Variants in LAMC2 observed in about 807,000 individuals in gnomAD.
LAMC2 encodes the protein laminin subunit gamma 2, also known as laminin subunit gamma-2.
LAMC2 carries 97 observed loss-of-function variants against 140.2 expected under a neutral mutation model. The observed-to-expected ratio is 0.69, with a 90% CI of 0.59 to 0.82. The LOEUF (loss-of-function observed/expected upper bound fraction) is 0.82. Among genes scored for constraint, LAMC2 ranks in the 40% least tolerant of loss-of-function variants. LAMC2 has a pLI of 0.00. For synonymous variants in LAMC2, 513 were observed against 540.2 expected, an observed-to-expected ratio of 0.95 and a Z score of 0.70; for missense variants, 1,402 against 1,476.1, an observed-to-expected ratio of 0.95 and a Z score of 0.82.
At chr1:183,255,005 G>A in the LAMC2 span, among the ~76,000 whole-genome samples, 3 of 152,118 alleles carry the variant, frequency 2.0e-5, no homozygotes, top group African/African-American at 7.2e-5. Context: ...CAATGTCAAG[G>A]AGATTTTCCT....
intron 22 of LAMC2, among the ~76,000 whole-genome samples, chr1:183,242,139 C>T (rs1188727095): frequency 2.0e-5 from 3 of 152,134 alleles, no homozygotes; most frequent in Admixed American, 6.5e-5. Flanking sequence ...CTCCAATGCT[C>T]GTGTTCTTTT....
intron 14 of LAMC2, 97 bp from the exon 15 acceptor site, chr1:183,234,270 C>T: frequency 2.4e-6 from 2 of 841,000 alleles, no homozygotes; most frequent in Non-Finnish European, 4.1e-6. Context: ...TGGCTAATGA[C>T]AAGTGGTTCT....
chr1:183,205,478 G>A (rs1425090706), intron 1 of LAMC2, among the ~76,000 whole-genome samples: 1 of 152,188 alleles, frequency 6.6e-6, no homozygotes, highest in Non-Finnish European at 1.5e-5. Context: ...CTTTGCCCAT[G>A]GGATAAAAAT....
Position 183,220,835 on chromosome 1 carries a change from G to A in LAMC2, c.514G>A (p.Gly172Ser). The change falls in exon 5 of 23, where the codon GGT (glycine) becomes AGT (serine). Residue 172 changes from glycine to serine, a missense_variant. By Grantham distance (56) the Gly-to-Ser change is moderately conservative. Coordinates refer to ENST00000264144, the MANE Select transcript of LAMC2 (RefSeq NM_005562.3). ...ACAATGCCACTGCAGGTGTCGATCAGGTTACTATAATCTGGATGGGGGGAA... is the reference window on the plus strand; with the variant it reads ...ACAATGCCACTGCAGGTGTCGATCAAGTTACTATAATCTGGATGGGGGGAA... ...TGERCDRCRS[G>S]YYNLDGGNPE... The A allele has an allele frequency of 6.2e-7, 1 of 1,614,024 alleles. No individual in the cohort carries two copies. The highest frequency in any genetic ancestry group is 8.5e-7 in the Non-Finnish European group (1 of 1,179,886).
At chr1:183,201,178 G>A (rs977093253) in intron 1 of LAMC2, among the ~76,000 whole-genome samples, 4 of 152,192 alleles carry the variant, frequency 2.6e-5, no homozygotes, top group Admixed American at 6.5e-5. Flanking sequence ...CCAATGAATA[G>A]TCAAAGGAAT....
rs3768595 is a variant in LAMC2, at chr1:183,231,677, G to A, written c.1858-510G>A. Reference sequence around the variant, plus strand: ...AATTACAGAGAAGAATGAACTTGATGTTCTTGTTAATTATTAACTATTTTT... The same window carrying A: ...AATTACAGAGAAGAATGAACTTGATATTCTTGTTAATTATTAACTATTTTT... On this transcript the variant is annotated intron_variant, in intron 12 of 22. Coordinates refer to ENST00000264144, the MANE Select transcript of LAMC2 (RefSeq NM_005562.3). 6.0e-3 allele frequency among the ~76,000 whole-genome samples: 912 copies of A among 152,336 alleles called. 23 individuals carry two copies. In the East Asian group the frequency reaches 0.078, roughly 13 times the overall value.
At chr1:183,241,906 G>C (rs1219190812) in intron 22 of LAMC2, among the ~76,000 whole-genome samples, 2 of 152,180 alleles carry the variant, frequency 1.3e-5, no homozygotes, top group African/African-American at 4.8e-5. Flanking sequence ...GAGAATATGA[G>C]AGAGTAGGGA....
the LAMC2 span, chr1:183,252,881 C>T: frequency 1.6e-6 from 1 of 619,752 alleles, no homozygotes; most frequent in Non-Finnish European, 2.9e-6. Flanking sequence ...TAGGAAAGGC[C>T]CTCTTGCCTC....
At position 183,215,579 on chromosome 1, in the gene LAMC2, A is replaced by G. The variant is rs772329946; in HGVS notation, c.395A>G (p.Gln132Arg). ...MLTDAGCTQDQRLLDSKCDCD... is the reference protein window; with the variant it reads ...MLTDAGCTQDRRLLDSKCDCD... ...ACGGATGCGGGGTGCACCCAAGACC[A>G]GAGACTGCTGTGAGTATTTGCATCC... Residue 132 changes from glutamine to arginine, a missense_variant, in exon 3 of 23, where the codon CAG becomes CGG. Physicochemically the swap from Gln to Arg is conservative, Grantham distance 43 (BLOSUM62 1). Transcript: ENST00000264144. The G allele has an allele frequency of 3.7e-6, 6 of 1,614,064 alleles. No homozygotes were observed. Among genetic ancestry groups the G allele is most frequent in the Admixed American group, 1.7e-5 (1 of 60,006 alleles).
In LAMC2 at chr1:183,232,605, T is replaced by C. The variant is rs375698455; in HGVS notation, c.2015-47T>C. On this transcript the variant is annotated intron_variant, in intron 13 of 22. Coordinates refer to ENST00000264144, the MANE Select transcript of LAMC2 (RefSeq NM_005562.3). Reference sequence around the variant, plus strand: ...CCCTCCGTTATGTTTGCTAACTCTATGCTGACCCAGAAAGTGCTCATGCTC... The same window carrying C: ...CCCTCCGTTATGTTTGCTAACTCTACGCTGACCCAGAAAGTGCTCATGCTC... 3.9e-6 allele frequency: 6 copies of C among 1,535,964 alleles called. No individual in the cohort carries two copies. In the African/African-American group the frequency reaches 8.2e-5, roughly 21 times the overall value.
intron 22 of LAMC2, among the ~76,000 whole-genome samples, chr1:183,242,734 A>G (rs1660162050): frequency 6.6e-6 from 1 of 152,200 alleles, no homozygotes; most frequent in African/African-American, 2.4e-5. Flanking sequence ...ATATTTCTTA[A>G]GGGTGGTTCA....
chr1:183,208,991 T>G lies in LAMC2; in HGVS notation c.268+922T>G, dbSNP rs1658991312. Among the ~76,000 whole-genome samples, 5 of 151,866 alleles carry G rather than the reference T, an allele frequency of 3.3e-5. No individual in the cohort carries two copies. In the South Asian group the frequency reaches 1.0e-3, roughly 32 times the overall value. ...ACCGCGCCTGGCTAGTTGTTTTTTT[T>G]TTTTTTTTTAAAGTATCCCACACAG... is the stretch of plus-strand genomic sequence containing the variant. On this transcript the variant is annotated intron_variant, in intron 2 of 22. Transcript: ENST00000264144.
chr1:183,249,803 T>A (rs1660328322), downstream of LAMC2: 1 of 152,024 alleles, frequency 6.6e-6, no homozygotes, highest in African/African-American at 2.4e-5. Flanking sequence ...TCTTTTTATA[T>A]TAAATAGGAA....
chr1:183,212,653 C>A (rs1423144778), intron 2 of LAMC2, among the ~76,000 whole-genome samples: 1 of 152,156 alleles, frequency 6.6e-6, no homozygotes, highest in Non-Finnish European at 1.5e-5. Context: ...GTGTTGAGGG[C>A]TCCTAGATCT....
chr1:183,232,760 T>C lies in LAMC2; in HGVS notation c.2123T>C (p.Leu708Pro), dbSNP rs776773191. The C allele has an allele frequency of 1.2e-6, 2 of 1,614,098 alleles. No individual in the cohort carries two copies. Among genetic ancestry groups the C allele is most frequent in the Non-Finnish European group, 1.7e-6 (2 of 1,180,018 alleles). Residue 708 changes from leucine (L) to proline (P), a missense_variant, in exon 14 of 23, where the codon CTG (leucine) becomes CCG (proline). By Grantham distance (98) the Leu-to-Pro change is moderately conservative. Transcript: ENST00000264144. ...LKMTVERVRALGSQYQNRVRD... is the reference protein window; with the variant it reads ...LKMTVERVRAPGSQYQNRVRD... ...ATGACTGTGGAAAGAGTTCGGGCTC[T>C]GGGAAGTCAGTACCAGAACCGAGTT...
Position 183,240,385 on chromosome 1 carries a change from C to G in LAMC2, c.3322C>G (p.Leu1108Val), listed in dbSNP as rs770952620. 31 of 1,614,126 alleles carry G rather than the reference C, an allele frequency of 1.9e-5. No homozygotes were observed. The change falls in exon 22 of 23, where the codon CTG (leucine) becomes GTG (valine). Residue 1108 changes from leucine to valine, a missense_variant. This residue lies in a region of LAMC2 where 670 missense variants were observed against 667.2 expected (regional missense o/e 1.00). Transcript: ENST00000264144. ...CAACACATTAGACGGCCTCCTGCAT[C>G]TGATGGGTATGTGAACCCACAACCC... is the stretch of plus-strand genomic sequence containing the variant. Reference protein sequence around the residue: ...TLNTLDGLLHLMDQPLSVDEE... With the variant: ...TLNTLDGLLHVMDQPLSVDEE...
rs557552857 is a variant in LAMC2, at chr1:183,228,469, A to G, written c.1564A>G (p.Asn522Asp). 5.0e-6 allele frequency: 8 copies of G among 1,613,806 alleles called. No individual in the cohort carries two copies. In the South Asian group the frequency reaches 8.8e-5, roughly 18 times the overall value. ...RPCQPCQCNN[N>D]VDPSASGNCD... ...TTGTCAGCCCTGTCAATGCAACAAC[A>G]ATGTGGACCCCAGTGCCTCTGGGAA... is the stretch of plus-strand genomic sequence containing the variant. The change falls in exon 11 of 23, where the codon AAT becomes GAT. Residue 522 changes from asparagine to aspartate, a missense_variant. Physicochemically the swap from Asn to Asp is conservative, Grantham distance 23 (BLOSUM62 1). This residue lies in a region of LAMC2 where 723 missense variants were observed against 783.3 expected (regional missense o/e 0.92). Transcript: ENST00000264144. The surrounding 1 kb of genome is among the most constrained non-coding windows in gnomAD (Gnocchi z 4.3).
In LAMC2 at chr1:183,209,867, C is replaced by G. The variant is rs577577723; in HGVS notation, c.268+1798C>G. On this transcript the variant is annotated intron_variant, in intron 2 of 22. Coordinates refer to ENST00000264144, the MANE Select transcript of LAMC2 (RefSeq NM_005562.3). ...TTTCAGCATGTAGTCTACTGCTTGC[C>G]CAGTGGTAAGGGCAAGTGAAACTGG... is the stretch of plus-strand genomic sequence containing the variant. 3.9e-5 allele frequency among the ~76,000 whole-genome samples: 6 copies of G among 152,160 alleles called. No homozygotes were observed. In the East Asian group the frequency reaches 1.2e-3, roughly 29 times the overall value.
intron 1 of LAMC2, among the ~76,000 whole-genome samples, chr1:183,188,670 T>TA (rs1658229641): frequency 6.6e-6 from 1 of 152,212 alleles, no homozygotes; most frequent in Admixed American, 6.5e-5. Flanking sequence ...CACATTTCTT[T>TA]AAAAAGTCCA....
Sources: gnomAD v4.1 joint callset for allele counts (sites outside exome capture counted in the v4.1 genomes callset) on GRCh38, gnomAD v4.1.1 for gene constraint, gnomAD v4.1.1 regional missense constraint, Gnocchi (gnomAD v3.1) non-coding constraint, MANE v1.5 for transcripts, NCBI Gene and HGNC (gene_info 2026-07-23, HGNC 2026-07-21) for gene names.